The following KCNK10 variants were observed in gnomAD, a reference collection of about 807,000 sequenced individuals.
KCNK10 encodes potassium two pore domain channel subfamily K member 10.
A neutral mutation model predicts 47.7 loss-of-function variants in KCNK10; 25 were observed. That is an observed-to-expected ratio of 0.52 (90% CI 0.38 to 0.73). The LOEUF (loss-of-function observed/expected upper bound fraction) is 0.73. Ranked by LOEUF, KCNK10 falls within the 30% of genes least tolerant of loss-of-function variation. The probability of loss-of-function intolerance (pLI) is 0.00; values close to 1 mark genes in which losing one functional copy is unlikely to be tolerated. For missense variants in KCNK10, 563 were observed against 714.5 expected (o/e 0.79, Z 2.42); for synonymous variants, 303 against 285.6 (o/e 1.06, Z -0.61).
intron 4 of KCNK10, among the ~76,000 whole-genome samples, chr14:88,195,289 T>C (rs1032857757): frequency 2.6e-5 from 4 of 152,224 alleles, no homozygotes; most frequent in Non-Finnish European, 1.5e-5. Context: ...CATTAGTTTT[T>C]TTCCTCTATA....
At chr14:88,246,239 G>A (rs1272108365) in intron 2 of KCNK10, among the ~76,000 whole-genome samples, 1 of 149,012 alleles carries the variant, frequency 6.7e-6, no homozygotes, top group African/African-American at 2.5e-5. Context: ...CTCCAGCCTG[G>A]GGGACAGAGC....
intron 1 of KCNK10, among the ~76,000 whole-genome samples, chr14:88,280,030 A>G (rs1311978091): frequency 6.6e-6 from 1 of 151,850 alleles, no homozygotes; most frequent in Admixed American, 6.6e-5. Flanking sequence ...GTCCAATTAA[A>G]CCTCTCCTTC....
At chr14:88,220,290 G>C (rs1024010947) in intron 4 of KCNK10, among the ~76,000 whole-genome samples, 34 of 149,362 alleles carry the variant, frequency 2.3e-4, no homozygotes, top group Non-Finnish European at 4.5e-4. Context: ...AGTGGCGGGC[G>C]CCTGTAGTCC....
intron 1 of KCNK10, among the ~76,000 whole-genome samples, chr14:88,306,113 C>T (rs1471441843): frequency 6.6e-6 from 1 of 152,208 alleles, no homozygotes; most frequent in Non-Finnish European, 1.5e-5. Context: ...TAGGGACAGG[C>T]ACTGGAACAT....
At chr14:88,306,550 C>T (rs1353376292) in intron 1 of KCNK10, among the ~76,000 whole-genome samples, 1 of 152,138 alleles carries the variant, frequency 6.6e-6, no homozygotes, top group African/African-American at 2.4e-5. Flanking sequence ...TGAAGACACA[C>T]ATCCCTGCCC....
At chr14:88,319,262 CT>C (rs1377017772) in intron 1 of KCNK10, among the ~76,000 whole-genome samples, 1 of 152,256 alleles carries the variant, frequency 6.6e-6, no homozygotes, top group Middle Eastern at 3.4e-3. Flanking sequence ...CTCAAACCAC[CT>C]TCATTTTTTG....
rs199685266 is a variant in KCNK10 at position 88,237,907 on chromosome 14, C to A, written c.520+2796G>T. Among the ~76,000 whole-genome samples, 4 of 152,176 alleles carry A rather than the reference C, an allele frequency of 2.6e-5. No individual in the cohort carries two copies. In the East Asian group the frequency reaches 7.7e-4, roughly 29 times the overall value. On this transcript the variant is annotated intron_variant, in intron 3 of 6. Coordinates refer to ENST00000319231, the MANE Select transcript of KCNK10 (RefSeq NM_138317.3). ...GCATAGCCCCTAACAAAAGAGTCAGCCTATCATTTGAAGCTTTGAAGCCAG... is the reference window on the plus strand; with the variant it reads ...GCATAGCCCCTAACAAAAGAGTCAGACTATCATTTGAAGCTTTGAAGCCAG...
At chr14:88,231,352 G>T (rs1159115902) in intron 3 of KCNK10, among the ~76,000 whole-genome samples, 2 of 152,188 alleles carry the variant, frequency 1.3e-5, no homozygotes, top group Non-Finnish European at 2.9e-5. Flanking sequence ...TGCCTCGATA[G>T]TTTGATAGGG....
intron 2 of KCNK10, among the ~76,000 whole-genome samples, chr14:88,262,257 T>C (rs1887131574): frequency 6.6e-6 from 1 of 152,096 alleles, no homozygotes; most frequent in Admixed American, 6.5e-5. Context: ...CAAAACCCAC[T>C]CTTTGTAGTT....
intron 1 of KCNK10, among the ~76,000 whole-genome samples, chr14:88,284,592 T>G (rs997669066): frequency 1.3e-5 from 2 of 152,166 alleles, no homozygotes; most frequent in African/African-American, 2.4e-5. Flanking sequence ...GAGTCTGATG[T>G]TGGAGGGCAG....
intron 1 of KCNK10, among the ~76,000 whole-genome samples, chr14:88,315,988 A>G (rs1006423313): frequency 6.6e-5 from 10 of 152,100 alleles, no homozygotes; most frequent in African/African-American, 2.4e-4. Context: ...TTTCCTTTCT[A>G]ATCTTGTTTC....
chr14:88,207,219 C>A (rs1268178974), intron 4 of KCNK10, among the ~76,000 whole-genome samples: 1 of 143,968 alleles, frequency 6.9e-6, no homozygotes, highest in African/African-American at 2.7e-5. Flanking sequence ...GTCGCCCAGG[C>A]CGGAGTGCAG....
chr14:88,323,879 C>T (rs1156408785), upstream of KCNK10, among the ~76,000 whole-genome samples: 1 of 152,168 alleles, frequency 6.6e-6, no homozygotes, highest in Non-Finnish European at 1.5e-5. Context: ...CTGGCTCTCT[C>T]GCCTGAGTCC....
chr14:88,213,034 T>C (rs1254013633), intron 4 of KCNK10, among the ~76,000 whole-genome samples: 1 of 152,182 alleles, frequency 6.6e-6, no homozygotes, highest in Non-Finnish European at 1.5e-5. Flanking sequence ...TGATGTGTAT[T>C]CTAAACATTT....
chr14:88,315,004 C>T (rs1442316818), intron 1 of KCNK10, among the ~76,000 whole-genome samples: 1 of 152,184 alleles, frequency 6.6e-6, no homozygotes, highest in Admixed American at 6.5e-5. Context: ...GGGATCTCAA[C>T]AACCAACAAC....
intron 1 of KCNK10, among the ~76,000 whole-genome samples, chr14:88,303,838 C>A (rs1350391356): frequency 6.6e-6 from 1 of 151,938 alleles, no homozygotes; most frequent in Non-Finnish European, 1.5e-5. Flanking sequence ...TTTCTCAAGA[C>A]CTATCTAAAA....
At chr14:88,277,440 A>C (rs1298211557) in intron 1 of KCNK10, among the ~76,000 whole-genome samples, 1 of 152,216 alleles carries the variant, frequency 6.6e-6, no homozygotes, top group Non-Finnish European at 1.5e-5. Flanking sequence ...AAATGCATCT[A>C]TCAGAGGCTG....
Position 88,188,072 on chromosome 14 carries a change from C to A in KCNK10, c.906G>T (p.Lys302Asn), listed in dbSNP as rs1267579874. The A allele has an allele frequency of 6.2e-7, 1 of 1,614,234 alleles. No individual in the cohort carries two copies. The highest frequency in any genetic ancestry group is 1.1e-5 in the South Asian group (1 of 91,082). The change falls in exon 6 of 7, where the codon AAG becomes AAT. Residue 302 changes from lysine to asparagine, a missense_variant. Physicochemically the swap from Lys to Asn is moderately conservative, Grantham distance 94. Coordinates refer to ENST00000319231, the MANE Select transcript of KCNK10 (RefSeq NM_138317.3). Reference protein sequence around the residue: ...NAGINYREWYKPLVWFWILVG... With the variant: ...NAGINYREWYNPLVWFWILVG... ...CAAGGATCCAAAACCACACTAGGGG[C>A]TTATACCACTCCCGATAATTGATGC...
At chr14:88,287,268 C>G (rs1293057462) in intron 1 of KCNK10, among the ~76,000 whole-genome samples, 1 of 152,144 alleles carries the variant, frequency 6.6e-6, no homozygotes, top group East Asian at 1.9e-4. Context: ...TCCTTCCTTC[C>G]CCAACATGGA....
Sources: allele counts gnomAD v4.1 joint callset (sites outside exome capture counted in the v4.1 genomes callset), GRCh38; gene constraint gnomAD v4.1.1; transcripts MANE v1.5; gene names NCBI Gene and HGNC (gene_info 2026-07-23, HGNC 2026-07-21).